The following CBLN2 variants were observed in gnomAD, a reference collection of about 807,000 sequenced individuals.
The protein encoded by CBLN2 is cerebellin-2.
A neutral mutation model predicts 15.0 loss-of-function variants in CBLN2; 7 were observed. That is an observed-to-expected ratio of 0.47 (90% CI 0.27 to 0.88). The LOEUF (loss-of-function observed/expected upper bound fraction) is 0.88. CBLN2 is among the 40% of genes least tolerant of loss of function. The pLI is 0.14. For missense variants in CBLN2, 242 were observed against 304.5 expected (o/e 0.79, Z 1.53); for synonymous variants, 149 against 135.2 (o/e 1.10, Z -0.71).
At chr18:72,624,131 G>A (rs1487737840) in intron 1 of CBLN2, among the ~76,000 whole-genome samples, 1 of 151,878 alleles carries the variant, frequency 6.6e-6, no homozygotes, top group East Asian at 1.9e-4. Flanking sequence ...CACATAGGAG[G>A]ACTAACGCTG....
At position 72,572,259 on chromosome 18, in the gene CBLN2, T is replaced by C. The variant is rs536976367; in HGVS notation, c.16-33487A>G. Among the ~76,000 whole-genome samples the C allele has an allele frequency of 4.7e-5, 7 of 149,872 alleles. No homozygotes were observed. The South Asian group carries it at 1.3e-3, about 27-fold the overall frequency. Reference sequence around the variant, plus strand: ...AAGGATCCATTATCTGGCAGAATCATTGATTTTTTTTTTTTACAAAAGAGT... The same window carrying C: ...AAGGATCCATTATCTGGCAGAATCACTGATTTTTTTTTTTTACAAAAGAGT... On this transcript the variant is annotated intron_variant, in intron 1 of 2. Transcript: ENST00000581073.
upstream of CBLN2, among the ~76,000 whole-genome samples, chr18:72,546,345 G>T (rs188149106): frequency 6.6e-6 from 1 of 152,112 alleles, no homozygotes; most frequent in Non-Finnish European, 1.5e-5. Flanking sequence ...GCTGAGGCAG[G>T]AGAATGGTGT....
At chr18:72,603,250 T>A (rs2069561143) in intron 1 of CBLN2, among the ~76,000 whole-genome samples, 1 of 152,224 alleles carries the variant, frequency 6.6e-6, no homozygotes, top group Non-Finnish European at 1.5e-5. Context: ...ATCTCCAATA[T>A]CCAAAAATAA....
At position 72,538,281 on chromosome 18, in the gene CBLN2, C is replaced by A. The variant is rs185684682; in HGVS notation, c.570G>T (p.Leu190=). 5 of 1,614,028 alleles carry A rather than the reference C, an allele frequency of 3.1e-6. No homozygotes were observed. The African/African-American group carries it at 4.0e-5, about 13-fold the overall frequency. ...GCACTTTGTCTTCCCTTTCCATGAG[C>A]AGCAGCACGCCATTGCTAGCAGCTT... is the stretch of plus-strand genomic sequence containing the variant. The part of the protein sequence containing the change: ...TREAASNGVL[L]LMEREDKVHL... Residue 190 remains leucine, a synonymous_variant, in exon 5 of 5, where the codon CTG becomes CTT. Coordinates refer to ENST00000269503, the MANE Select transcript of CBLN2 (RefSeq NM_182511.4).
rs966337002 is a variant in CBLN2 at position 72,543,815 on chromosome 18, C to G, written c.-212+162G>C. Among the ~76,000 whole-genome samples, 8 of 152,000 alleles carry G rather than the reference C, an allele frequency of 5.3e-5. No individual in the cohort carries two copies. Among genetic ancestry groups the G allele is most frequent in the East Asian group, 2.0e-4 (1 of 5,100 alleles). ...CGCTGCCTGGGGCCCCTCGAGCTCCCGCGCTCAGCGCGTCCGCAGCGCGGC... is the reference window on the plus strand; with the variant it reads ...CGCTGCCTGGGGCCCCTCGAGCTCCGGCGCTCAGCGCGTCCGCAGCGCGGC... On this transcript the variant is annotated intron_variant, in intron 1 of 4. Coordinates refer to ENST00000269503, the MANE Select transcript of CBLN2 (RefSeq NM_182511.4). The surrounding 1 kb of genome is among the most constrained non-coding windows in gnomAD (Gnocchi z 6.8).
intron 1 of CBLN2, among the ~76,000 whole-genome samples, chr18:72,628,215 T>G (rs796675110): frequency 3.3e-5 from 5 of 152,356 alleles, no homozygotes; most frequent in African/African-American, 1.2e-4. Flanking sequence ...ATCCCCTGTG[T>G]GTTCATTTTG....
intron 1 of CBLN2, among the ~76,000 whole-genome samples, chr18:72,575,479 G>A (rs575062496): frequency 6.6e-5 from 10 of 152,128 alleles, no homozygotes; most frequent in African/African-American, 9.7e-5. Flanking sequence ...CTGCTGAGGC[G>A]GGATTCAAAT....
intron 1 of CBLN2, among the ~76,000 whole-genome samples, chr18:72,589,797 A>G (rs1489610854): frequency 6.6e-6 from 1 of 152,218 alleles, no homozygotes; most frequent in East Asian, 1.9e-4. Flanking sequence ...AGTGAGGGCC[A>G]CAGGTGATCT....
chr18:72,591,623 C>G (rs1290233623), intron 1 of CBLN2, among the ~76,000 whole-genome samples: 2 of 152,098 alleles, frequency 1.3e-5, no homozygotes, highest in African/African-American at 4.8e-5. Context: ...TACCTATTAA[C>G]CATCCTTATT....
At chr18:72,614,815 C>A (rs1012015304) in intron 1 of CBLN2, among the ~76,000 whole-genome samples, 1 of 151,614 alleles carries the variant, frequency 6.6e-6, no homozygotes, top group East Asian at 1.9e-4. Context: ...TATACACTCA[C>A]CAAGCTAATG....
intron 1 of CBLN2, among the ~76,000 whole-genome samples, chr18:72,600,338 G>A (rs1259656144): frequency 6.6e-6 from 1 of 152,148 alleles, no homozygotes; most frequent in African/African-American, 2.4e-5. Context: ...TAGTTTCTGT[G>A]CTCAATATAT....
intron 1 of CBLN2, among the ~76,000 whole-genome samples, chr18:72,558,952 GT>G (rs2069243264): frequency 6.6e-6 from 1 of 152,174 alleles, no homozygotes; most frequent in African/African-American, 2.4e-5. Context: ...CTACTCTGGA[GT>G]CGGGGTGGGG....
At chr18:72,602,107 T>C (rs1000512301) in intron 1 of CBLN2, among the ~76,000 whole-genome samples, 26 of 152,310 alleles carry the variant, frequency 1.7e-4, no homozygotes, top group African/African-American at 6.0e-4. Context: ...TTGGCTCCAT[T>C]GTTTGAAGCA....
chr18:72,540,707 C>T (rs950389271), intron 3 of CBLN2, among the ~76,000 whole-genome samples: 1 of 152,052 alleles, frequency 6.6e-6, no homozygotes, highest in African/African-American at 2.4e-5. Context: ...ATACTTAATG[C>T]CTAACAATAA....
At chr18:72,581,604 C>G (rs935030837) in intron 1 of CBLN2, among the ~76,000 whole-genome samples, 2 of 152,132 alleles carry the variant, frequency 1.3e-5, no homozygotes, top group Admixed American at 6.5e-5. Flanking sequence ...TTCTCTCTTT[C>G]TTGTTTACAC....
intron 1 of CBLN2, among the ~76,000 whole-genome samples, chr18:72,616,417 C>G (rs944453295): frequency 1.3e-5 from 2 of 152,148 alleles, no homozygotes; most frequent in Non-Finnish European, 2.9e-5. Context: ...CTTTGGGTCC[C>G]CCTTTGCTCT....
At chr18:72,548,190 A>G (rs901306032), upstream of CBLN2, among the ~76,000 whole-genome samples, 2 of 152,210 alleles carry the variant, frequency 1.3e-5, no homozygotes, top group African/African-American at 4.8e-5. Flanking sequence ...GCTGCCTTCC[A>G]TTGCCTTAGG....
intron 1 of CBLN2, among the ~76,000 whole-genome samples, chr18:72,600,813 T>C (rs2069543012): frequency 6.6e-6 from 1 of 152,122 alleles, no homozygotes; most frequent in South Asian, 2.1e-4. Flanking sequence ...ACTGGGAACA[T>C]TGATTGGTTG....
chr18:72,628,696 T>C (rs1384003785), intron 1 of CBLN2, among the ~76,000 whole-genome samples: 1 of 152,188 alleles, frequency 6.6e-6, no homozygotes, highest in Non-Finnish European at 1.5e-5. Flanking sequence ...GTTTCACACA[T>C]TTCGTCGTCC....
Sources: gnomAD v4.1 joint callset for allele counts (sites outside exome capture counted in the v4.1 genomes callset) on GRCh38, gnomAD v4.1.1 for gene constraint, Gnocchi (gnomAD v3.1) non-coding constraint, MANE v1.5 for transcripts, NCBI Gene and HGNC (gene_info 2026-07-23, HGNC 2026-07-21) for gene names.